MACROD2: variants seen among roughly 807,000 people sequenced by gnomAD.
MACROD2 encodes ADP-ribose glycohydrolase MACROD2.
In MACROD2, 36 loss-of-function variants were observed where a neutral mutation model predicts 70.4. The ratio of observed to expected loss-of-function variants is 0.51; its 90% CI spans 0.39 to 0.68. MACROD2 has a LOEUF of 0.68. MACROD2 is among the 30% of genes least tolerant of loss of function. MACROD2 has a pLI of 0.00. For synonymous variants in MACROD2, 172 were observed against 178.8 expected, an observed-to-expected ratio of 0.96 and a Z score of 0.30; for missense variants, 496 against 538.4, an observed-to-expected ratio of 0.92 and a Z score of 0.78.
intron 2 of MACROD2, among the ~76,000 whole-genome samples, chr20:14,061,105 A>C (rs1271515672): frequency 1.3e-5 from 2 of 152,124 alleles, no homozygotes; most frequent in African/African-American, 4.8e-5. Flanking sequence ...TATAAACAAC[A>C]TGCACTCTCA....
chr20:15,709,468 C>T (rs2050592186), intron 8 of MACROD2, among the ~76,000 whole-genome samples: 1 of 151,984 alleles, frequency 6.6e-6, no homozygotes, highest in African/African-American at 2.4e-5. Context: ...TGAGACCAGC[C>T]TGGGCAACAT....
intron 5 of MACROD2, among the ~76,000 whole-genome samples, chr20:14,844,904 C>A (rs1407675327): frequency 6.6e-6 from 1 of 152,052 alleles, no homozygotes; most frequent in African/African-American, 2.4e-5. Context: ...TCTTCTTTTT[C>A]TAATATTCCT....
At chr20:15,235,152 C>T (rs187135659) in intron 6 of MACROD2, among the ~76,000 whole-genome samples, 24 of 152,034 alleles carry the variant, frequency 1.6e-4, no homozygotes, top group African/African-American at 5.3e-4. Flanking sequence ...TGAATGACAA[C>T]GTGTAATAGA....
At chr20:15,784,024 A>G (rs1366756899) in intron 8 of MACROD2, among the ~76,000 whole-genome samples, 1 of 152,064 alleles carries the variant, frequency 6.6e-6, no homozygotes, top group Non-Finnish European at 1.5e-5. Flanking sequence ...CTTCCCCTCA[A>G]CATTTCTTGC....
chr20:15,907,609 TGTAA>T (rs1451137629), intron 10 of MACROD2, among the ~76,000 whole-genome samples: 4 of 152,194 alleles, frequency 2.6e-5, no homozygotes, highest in African/African-American at 4.8e-5. Context: ...CTCTTTTTAT[TGTAA>T]GTGTTAAAAT....
chr20:14,708,482 C>T (rs909041982), intron 5 of MACROD2, among the ~76,000 whole-genome samples: 3 of 152,162 alleles, frequency 2.0e-5, no homozygotes, highest in Non-Finnish European at 4.4e-5. Flanking sequence ...TCTCTACTTG[C>T]TGTTACAAAT....
At chr20:16,035,470 C>T (rs934457010) in intron 15 of MACROD2, among the ~76,000 whole-genome samples, 1 of 151,712 alleles carries the variant, frequency 6.6e-6, no homozygotes, top group Non-Finnish European at 1.5e-5. Flanking sequence ...AAGTTATGTA[C>T]ACTCACCATT....
chr20:16,003,526 C>G (rs2066744374), intron 15 of MACROD2, among the ~76,000 whole-genome samples: 1 of 152,188 alleles, frequency 6.6e-6, no homozygotes, highest in Admixed American at 6.5e-5. Context: ...AACCCTAGCT[C>G]CAGCAGGTGT....
chr20:14,592,605 T>C (rs12480371), intron 4 of MACROD2, among the ~76,000 whole-genome samples: 7,323 of 152,062 alleles, frequency 0.048, 479 homozygotes, highest in South Asian at 0.28. Flanking sequence ...TTAAAAAAGA[T>C]TTTTGTAGCG....
At chr20:14,631,608 A>G (rs1204530656) in intron 4 of MACROD2, among the ~76,000 whole-genome samples, 1 of 152,076 alleles carries the variant, frequency 6.6e-6, no homozygotes, top group East Asian at 1.9e-4. Flanking sequence ...GTCTCTACTA[A>G]AAATGAAAAT....
intron 3 of MACROD2, among the ~76,000 whole-genome samples, chr20:14,120,046 T>TA (rs1240223245): frequency 4.0e-5 from 6 of 150,664 alleles, no homozygotes; most frequent in East Asian, 3.9e-4. Flanking sequence ...CCTTCTGTAC[T>TA]AAAAAAAATA....
intron 3 of MACROD2, among the ~76,000 whole-genome samples, chr20:14,426,308 T>C (rs939311049): frequency 2.0e-5 from 3 of 151,818 alleles, no homozygotes; most frequent in African/African-American, 7.2e-5. Context: ...CCAAGACTTA[T>C]TTTTTTTGTT....
chr20:15,114,906 C>G (rs2075981273), intron 5 of MACROD2, among the ~76,000 whole-genome samples: 1 of 152,116 alleles, frequency 6.6e-6, no homozygotes, highest in South Asian at 2.1e-4. Context: ...TCTTTCTCTC[C>G]AGGAATCCAA....
At chr20:14,598,467 G>A (rs933999491) in intron 4 of MACROD2, among the ~76,000 whole-genome samples, 5 of 152,206 alleles carry the variant, frequency 3.3e-5, no homozygotes, top group South Asian at 2.1e-4. Flanking sequence ...TTTAAAAATA[G>A]AGATGGTAAT....
chr20:15,608,299 C>T (rs978293078), intron 8 of MACROD2, among the ~76,000 whole-genome samples: 14 of 152,212 alleles, frequency 9.2e-5, no homozygotes, highest in African/African-American at 3.4e-4. Context: ...ACCATTAAGC[C>T]TTGTGCTTGG....
At chr20:15,263,298 CA>C (rs61056091) in intron 6 of MACROD2, among the ~76,000 whole-genome samples, 4,019 of 151,620 alleles carry the variant, frequency 0.027, 169 homozygotes, top group African/African-American at 0.092. Flanking sequence ...TCTCTTTCTG[CA>C]ATGTTTGTTC....
chr20:15,103,122 A>G (rs2075885652), intron 5 of MACROD2, among the ~76,000 whole-genome samples: 1 of 152,152 alleles, frequency 6.6e-6, no homozygotes, highest in African/African-American at 2.4e-5. Context: ...ACAGATCTCA[A>G]TTTATGTTCT....
chr20:14,284,617 G>A (rs536472375), intron 3 of MACROD2, among the ~76,000 whole-genome samples: 1 of 152,332 alleles, frequency 6.6e-6, no homozygotes, highest in African/African-American at 2.4e-5. Flanking sequence ...CTAGGGTGTA[G>A]CTGCCACACC....
intron 5 of MACROD2, among the ~76,000 whole-genome samples, chr20:14,702,715 A>T (rs2071221637): frequency 6.9e-6 from 1 of 144,392 alleles, no homozygotes; most frequent in South Asian, 2.2e-4. Context: ...ATGTGTGTAT[A>T]TATATGTGTA....
Sources: allele counts gnomAD v4.1 joint callset (sites outside exome capture counted in the v4.1 genomes callset), GRCh38; gene constraint gnomAD v4.1.1; transcripts MANE v1.5; gene names NCBI Gene and HGNC (gene_info 2026-07-23, HGNC 2026-07-21).